Variants in SPTA1 observed in about 807,000 individuals in gnomAD.
SPTA1 encodes the protein spectrin alpha chain, erythrocytic 1.
A neutral mutation model predicts 324.7 loss-of-function variants in SPTA1; 177 were observed. The observed-to-expected ratio is 0.55, with a 90% CI of 0.48 to 0.62. The LOEUF (loss-of-function observed/expected upper bound fraction) is 0.62, where lower values mean the gene tolerates loss of function less well. Among genes scored for constraint, SPTA1 ranks in the 20% least tolerant of loss-of-function variants. The pLI, the probability that SPTA1 is intolerant of heterozygous loss-of-function variation, is 0.00. For missense variants in SPTA1, 3,162 were observed against 2,883.6 expected (o/e 1.10, Z -2.21); for synonymous variants, 1,195 against 1,041.3 (o/e 1.15, Z -2.84).
intron 15 of SPTA1, among the ~76,000 whole-genome samples, chr1:158,667,087 T>A (rs747179740): frequency 6.6e-6 from 1 of 152,198 alleles, no homozygotes; most frequent in Non-Finnish European, 1.5e-5. Context: ...TGTCTCCTGA[T>A]GGTGAACAGT....
In SPTA1 at chr1:158,656,627, T is replaced by C. The variant is rs374168455; in HGVS notation, c.2835A>G (p.Leu945=). Residue 945 remains leucine, a synonymous_variant, in exon 20 of 52, where the codon CTA becomes CTG. Transcript: ENST00000643759. ...TGTCTCCAAATGAATTGAGATCTAA[T>C]AGAAAGGCCTCATGCTTCTTTAGAA... ...GALLKKHEAF[L]LDLNSFGDSM... is the part of the protein sequence containing the mutation. 4 of 1,613,770 alleles carry C rather than the reference T, an allele frequency of 2.5e-6. No homozygotes were observed. Among genetic ancestry groups the C allele is most frequent in the African/African-American group, 1.3e-5 (1 of 74,918 alleles).
intron 51 of SPTA1, 119 bp downstream of exon 51, chr1:158,612,698 G>C: frequency 9.4e-7 from 1 of 1,062,214 alleles, no homozygotes; most frequent in Middle Eastern, 2.0e-4. Flanking sequence ...CTTGTGAAAG[G>C]GGAGGTCTGA....
intron 7 of SPTA1, among the ~76,000 whole-genome samples, chr1:158,677,360 A>G (rs1039674252): frequency 2.0e-5 from 3 of 152,188 alleles, no homozygotes; most frequent in African/African-American, 7.2e-5. Flanking sequence ...GAGTCTGGCC[A>G]CGGTGTATTT....
At position 158,623,172 on chromosome 1, in the gene SPTA1, C is replaced by T; in HGVS notation, c.5931G>A (p.Leu1977=). Residue 1977 remains leucine, a synonymous_variant, in exon 43 of 52, where the codon CTG becomes CTA. Transcript: ENST00000643759. ...GAAGTCTCTCTTGCTGGAAACTCTG[C>T]AGACTGGCATCCAGAGTGTCCTGAG... ...LAKQDTLDAS[L]QSFQQERLPE... 6.2e-7 allele frequency: 1 copy of T among 1,614,114 alleles called. No individual in the cohort carries two copies. Among genetic ancestry groups the T allele is most frequent in the Non-Finnish European group, 8.5e-7 (1 of 1,180,010 alleles).
At chr1:158,641,486 A>G (rs1170192081) in intron 33 of SPTA1, among the ~76,000 whole-genome samples, 3 of 152,240 alleles carry the variant, frequency 2.0e-5, no homozygotes, top group Non-Finnish European at 4.4e-5. Flanking sequence ...AACCCCATCA[A>G]CAAGTAGGTG....
At position 158,610,904 on chromosome 1, in the gene SPTA1, C is replaced by T. The variant is rs1489039628; in HGVS notation, c.*360G>A. On this transcript the variant is annotated 3_prime_UTR_variant, in exon 52 of 52. Coordinates refer to ENST00000643759, the MANE Select transcript of SPTA1 (RefSeq NM_003126.4). ...GCTCAACATTTTACTTAACTTTGCC[C>T]CAAAAAATATTTTTAAAAAGAATTA... 9.6e-6 allele frequency: 2 copies of T among 208,500 alleles called. No homozygotes were observed. The highest frequency in any genetic ancestry group is 1.2e-4 in the East Asian group (1 of 8,188). The allele number at this position is 208,500 out of a possible 1,614,324, so 12.9% of individuals were successfully genotyped here. A position where few individuals can be genotyped will look rare whatever the true frequency, so the allele number is the denominator to read the frequency against.
intron 43 of SPTA1, chr1:158,622,633 GC>G: frequency 3.4e-6 from 1 of 292,920 alleles, no homozygotes; most frequent in East Asian, 9.1e-5. Context: ...CTTGTCCAGT[GC>G]TCCTTTTATT....
At position 158,618,071 on chromosome 1, in the gene SPTA1, C is replaced by A. The variant is rs751717776; in HGVS notation, c.6531-15G>T. The A allele has an allele frequency of 5.0e-6, 8 of 1,609,654 alleles. No individual in the cohort carries two copies. The highest frequency in any genetic ancestry group is 6.8e-6 in the Non-Finnish European group (8 of 1,175,938). On this transcript the variant is annotated splice_polypyrimidine_tract_variant and intron_variant, in intron 45 of 51. Coordinates refer to ENST00000643759, the MANE Select transcript of SPTA1 (RefSeq NM_003126.4). ...GAAAGTAAGCCCTGGACATGGAGGT[C>A]CGGAACAGGAATCACATGAGAGAAA...
At chr1:158,628,873 AG>A (rs1273954787) in intron 39 of SPTA1, among the ~76,000 whole-genome samples, 1 of 152,078 alleles carries the variant, frequency 6.6e-6, no homozygotes, top group Non-Finnish European at 1.5e-5. Flanking sequence ...CAACTTGCAA[AG>A]ACCAAATCAT....
intron 15 of SPTA1, among the ~76,000 whole-genome samples, chr1:158,667,091 G>A (rs1009533175): frequency 6.6e-6 from 1 of 152,072 alleles, no homozygotes; most frequent in Non-Finnish European, 1.5e-5. Flanking sequence ...TCCTGATGGT[G>A]AACAGTAGCA....
chr1:158,640,036 C>T (rs758006174), intron 33 of SPTA1, 29 bp from the exon 34 acceptor site: 2 of 1,613,664 alleles, frequency 1.2e-6, no homozygotes, highest in Non-Finnish European at 1.7e-6. Context: ...GGAGTCATTA[C>T]AATCTTTAGG....
At chr1:158,657,125 C>T (rs1335895786) in intron 19 of SPTA1, among the ~76,000 whole-genome samples, 2 of 152,080 alleles carry the variant, frequency 1.3e-5, no homozygotes, top group African/African-American at 2.4e-5. Flanking sequence ...TTATTTTAAT[C>T]AAGTAATTAA....
At chr1:158,684,321 G>C (rs187965725) in intron 2 of SPTA1, among the ~76,000 whole-genome samples, 1 of 151,956 alleles carries the variant, frequency 6.6e-6, no homozygotes, top group African/African-American at 2.4e-5. Flanking sequence ...AGTTAACCTG[G>C]TTAACTCTTA....
At chr1:158,618,214 G>A (rs1649696434) in intron 45 of SPTA1, 158 bp from the exon 46 acceptor site, 1 of 740,220 alleles carries the variant, frequency 1.4e-6, no homozygotes. Context: ...GGTTCCCAAG[G>A]CCTCTCCCAC....
At chr1:158,630,161 A>G (rs1025123482) in intron 39 of SPTA1, among the ~76,000 whole-genome samples, 6 of 152,082 alleles carry the variant, frequency 3.9e-5, no homozygotes, top group Admixed American at 2.0e-4. Context: ...TAAAATTTAT[A>G]TGGAATCAGA....
intron 29 of SPTA1, 62 bp from the exon 30 acceptor site, chr1:158,644,458 A>C: frequency 6.3e-7 from 1 of 1,595,748 alleles, no homozygotes; most frequent in African/African-American, 1.3e-5. Flanking sequence ...AAATGATGTT[A>C]CACCTCTTTC....
intron 12 of SPTA1, among the ~76,000 whole-genome samples, chr1:158,670,766 A>G (rs1653964117): frequency 6.6e-6 from 1 of 152,238 alleles, no homozygotes; most frequent in African/African-American, 2.4e-5. Flanking sequence ...AAACAGAGAT[A>G]AAGATATACT....
rs750175812 is a variant in SPTA1, at chr1:158,657,485, C to T, written c.2797G>A (p.Ala933Thr). ...ACCCACCCCCACCTTACCCCAGCTG[C>T]TTCTTCATCAGCACCATAGTTAGTA... Reference protein sequence around the residue: ...DNTNYGADEEAAGALLKKHEA... With the variant: ...DNTNYGADEETAGALLKKHEA... The change falls in exon 19 of 52, where the codon GCA becomes ACA. Residue 933 changes from alanine to threonine, a missense_variant. Physicochemically the swap from Ala to Thr is moderately conservative, Grantham distance 58 (BLOSUM62 0). Coordinates refer to ENST00000643759, the MANE Select transcript of SPTA1 (RefSeq NM_003126.4). The T allele has an allele frequency of 8.1e-6, 13 of 1,610,610 alleles. No homozygotes were observed. The highest frequency in any genetic ancestry group is 1.0e-5 in the Non-Finnish European group (12 of 1,177,068).
intron 31 of SPTA1, 143 bp downstream of exon 31, chr1:158,643,179 T>C: frequency 8.2e-7 from 1 of 1,226,276 alleles, no homozygotes; most frequent in Non-Finnish European, 1.2e-6. Context: ...TAAATCTAAG[T>C]CAGAAAGTCT....
Sources: gnomAD v4.1 joint callset for allele counts (sites outside exome capture counted in the v4.1 genomes callset) on GRCh38, gnomAD v4.1.1 for gene constraint, MANE v1.5 for transcripts, NCBI Gene and HGNC (gene_info 2026-07-23, HGNC 2026-07-21) for gene names.